Variants in FGF12 observed in about 807,000 individuals in gnomAD.
FGF12 encodes the protein fibroblast growth factor 12.
A neutral mutation model predicts 23.6 loss-of-function variants in FGF12; 14 were observed. The observed-to-expected ratio is 0.59, with a 90% CI of 0.39 to 0.93. The LOEUF is 0.93. FGF12 is among the 40% of genes least tolerant of loss of function. The pLI is 0.00. For missense variants in FGF12, 175 were observed against 217.8 expected (o/e 0.80, Z 1.24); for synonymous variants, 62 against 77.3 (o/e 0.80, Z 1.04).
In FGF12 at chr3:192,268,478, G is replaced by C. The variant is rs370980784; in HGVS notation, c.228+66883C>G. On this transcript the variant is annotated intron_variant, in intron 4 of 5. Transcript: ENST00000445105. ...TTTTGAAATGTAATCTCCAATGTTG[G>C]AGGTGGGGCCTGGTGGGAGATGTTT... Among the ~76,000 whole-genome samples, 256 of 152,298 alleles carry C rather than the reference G, an allele frequency of 1.7e-3. 8 individuals carry two copies. In the South Asian group the frequency reaches 0.051, roughly 30 times the overall value.
chr3:192,196,081 A>G (rs1717053816), intron 4 of FGF12, among the ~76,000 whole-genome samples: 3 of 152,240 alleles, frequency 2.0e-5, no homozygotes, highest in South Asian at 4.1e-4. Context: ...TTTAGAGTTT[A>G]TAGATTCTAC....
intron 4 of FGF12, among the ~76,000 whole-genome samples, chr3:192,242,901 G>A (rs1160970863): frequency 6.6e-6 from 1 of 151,540 alleles, no homozygotes; most frequent in Non-Finnish European, 1.5e-5. Flanking sequence ...ATATTTTACT[G>A]AGCAACTATG....
intron 2 of FGF12, among the ~76,000 whole-genome samples, chr3:192,499,035 C>A (rs1190357451): frequency 6.6e-6 from 1 of 152,170 alleles, no homozygotes; most frequent in East Asian, 1.9e-4. Flanking sequence ...AAATCTCTCT[C>A]CAAGGTGATA....
chr3:192,486,072 G>A (rs538201514), intron 2 of FGF12, among the ~76,000 whole-genome samples: 7 of 152,058 alleles, frequency 4.6e-5, no homozygotes, highest in African/African-American at 1.4e-4. Context: ...ACCTAAGTTC[G>A]AGGAACACTG....
At chr3:192,473,365 C>G (rs1489278868) in intron 2 of FGF12, among the ~76,000 whole-genome samples, 1 of 152,168 alleles carries the variant, frequency 6.6e-6, no homozygotes, top group Non-Finnish European at 1.5e-5. Context: ...TACTTGCCAT[C>G]CCTTATCATG....
At chr3:192,347,937 T>C (rs1382912513) in intron 3 of FGF12, among the ~76,000 whole-genome samples, 9 of 152,286 alleles carry the variant, frequency 5.9e-5, no homozygotes, top group African/African-American at 2.2e-4. Context: ...GGTTTCAAAG[T>C]GTTAAACTAA....
chr3:192,215,080 G>A (rs897978525), intron 4 of FGF12, among the ~76,000 whole-genome samples: 1 of 152,174 alleles, frequency 6.6e-6, no homozygotes, highest in Admixed American at 6.5e-5. Context: ...GGATGCTTAC[G>A]TTGTCATCGG....
intron 4 of FGF12, among the ~76,000 whole-genome samples, chr3:192,263,453 A>G (rs184169967): frequency 1.2e-4 from 18 of 152,042 alleles, no homozygotes; most frequent in Non-Finnish European, 2.4e-4. Context: ...TACATGCATT[A>G]CAATTTGAGA....
chr3:192,545,834 CA>C (rs1560146002), intron 2 of FGF12, among the ~76,000 whole-genome samples: 1 of 152,142 alleles, frequency 6.6e-6, no homozygotes, highest in Non-Finnish European at 1.5e-5. Flanking sequence ...TTTCAGAGGA[CA>C]TTTGAGCTGT....
intron 4 of FGF12, among the ~76,000 whole-genome samples, chr3:192,186,060 A>G (rs1421026799): frequency 6.6e-6 from 1 of 152,156 alleles, no homozygotes; most frequent in Non-Finnish European, 1.5e-5. Context: ...TTCACATTCT[A>G]TGTTAGTTTA....
At chr3:192,303,627 C>T (rs374090484) in intron 4 of FGF12, among the ~76,000 whole-genome samples, 2 of 152,122 alleles carry the variant, frequency 1.3e-5, no homozygotes, top group Non-Finnish European at 1.5e-5. Context: ...AATTAGATGT[C>T]TGTGTGTTTA....
intron 2 of FGF12, among the ~76,000 whole-genome samples, chr3:192,476,641 A>G (rs1335954944): frequency 6.6e-6 from 1 of 152,196 alleles, no homozygotes. Context: ...AAGAAGCTCA[A>G]ACTTTGGGAT....
intron 2 of FGF12, among the ~76,000 whole-genome samples, chr3:192,637,746 A>G (rs139957291): frequency 3.3e-4 from 51 of 152,342 alleles, no homozygotes; most frequent in African/African-American, 1.2e-3. Context: ...AACAATATAT[A>G]TAAGAAAAAA....
chr3:192,557,804 A>T (rs1711851114), intron 2 of FGF12, among the ~76,000 whole-genome samples: 1 of 151,890 alleles, frequency 6.6e-6, no homozygotes, highest in Non-Finnish European at 1.5e-5. Flanking sequence ...TAATAACAAA[A>T]TGAAGGGTAA....
At chr3:192,152,280 AT>A (rs1714102008) in intron 5 of FGF12, among the ~76,000 whole-genome samples, 1 of 87,044 alleles carries the variant, frequency 1.1e-5, no homozygotes, top group African/African-American at 4.5e-5. Context: ...GGATTCATTG[AT>A]TTTTTGAAGG....
chr3:192,206,178 C>G (rs151040333), intron 4 of FGF12, among the ~76,000 whole-genome samples: 89 of 152,324 alleles, frequency 5.8e-4, no homozygotes, highest in African/African-American at 2.1e-3. Context: ...AGATCTCTGC[C>G]TTTCCATCCT....
At chr3:192,268,427 G>A (rs534154451) in intron 4 of FGF12, among the ~76,000 whole-genome samples, 1 of 152,260 alleles carries the variant, frequency 6.6e-6, no homozygotes, top group South Asian at 2.1e-4. Flanking sequence ...GATATCGTTT[G>A]GATATCTGTC....
chr3:192,306,436 G>A (rs1715655801), intron 4 of FGF12, among the ~76,000 whole-genome samples: 1 of 152,010 alleles, frequency 6.6e-6, no homozygotes. Flanking sequence ...TTTTCTGGGT[G>A]GCATCATAAT....
At chr3:192,274,153 A>G (rs1560046180) in intron 4 of FGF12, among the ~76,000 whole-genome samples, 1 of 151,482 alleles carries the variant, frequency 6.6e-6, no homozygotes, top group African/African-American at 2.5e-5. Flanking sequence ...GTTAATAAAG[A>G]TTATTTGCTA....
Sources: allele counts gnomAD v4.1 joint callset (sites outside exome capture counted in the v4.1 genomes callset), GRCh38; gene constraint gnomAD v4.1.1; transcripts MANE v1.5; gene names NCBI Gene and HGNC (gene_info 2026-07-23, HGNC 2026-07-21).